The following OSBPL5 variants were observed in gnomAD, a reference collection of about 807,000 sequenced individuals.
OSBPL5 encodes the protein oxysterol binding protein like 5, also known as oxysterol-binding protein-related protein 5.
Under a neutral mutation model 111.2 loss-of-function variants are expected in OSBPL5, and 71 were observed. The observed-to-expected ratio is 0.64, with a 90% CI of 0.53 to 0.78. The LOEUF (loss-of-function observed/expected upper bound fraction) is 0.78, where lower values mean the gene tolerates loss of function less well. Among genes scored for constraint, OSBPL5 ranks in the 30% least tolerant of loss-of-function variants. The probability of loss-of-function intolerance (pLI) is 0.00; values close to 1 mark genes in which losing one functional copy is unlikely to be tolerated. For synonymous variants in OSBPL5, 549 were observed against 513.9 expected (o/e 1.07, Z -0.93); for missense variants, 1,210 against 1,189.3 (o/e 1.02, Z -0.26).
rs190471936 is a variant in OSBPL5, at chr11:3,091,124, T to C, written c.2260-428A>G. ...TCATAGGAACCCCAGATGGCTAGGGTTCCCCATGTCAAGGGGCATCTCCAG... is the reference window on the plus strand; with the variant it reads ...TCATAGGAACCCCAGATGGCTAGGGCTCCCCATGTCAAGGGGCATCTCCAG... On this transcript the variant is annotated intron_variant, in intron 19 of 21. Coordinates refer to ENST00000263650, the MANE Select transcript of OSBPL5 (RefSeq NM_020896.4). Among the ~76,000 whole-genome samples, 407 of 152,196 alleles carry C rather than the reference T, an allele frequency of 2.7e-3. 1 individual carries two copies. The highest frequency in any genetic ancestry group is 9.4e-3 in the African/African-American group (389 of 41,522).
chr11:3,101,816 G>A (rs373377581), intron 12 of OSBPL5, 117 bp from the exon 13 acceptor site: 12 of 846,806 alleles, frequency 1.4e-5, no homozygotes, highest in African/African-American at 1.7e-5. Context: ...CTTCTCCCCC[G>A]ATCCCAGGAT....
intron 1 of OSBPL5, among the ~76,000 whole-genome samples, chr11:3,156,237 A>G (rs989037025): frequency 1.3e-5 from 2 of 152,230 alleles, no homozygotes; most frequent in African/African-American, 4.8e-5. Flanking sequence ...CGCTTGCTCC[A>G]GGGATGGAAT....
chr11:3,097,463 C>T (rs1857314087), intron 14 of OSBPL5, among the ~76,000 whole-genome samples: 4 of 152,156 alleles, frequency 2.6e-5, no homozygotes, highest in Admixed American at 2.6e-4. Context: ...TATACTTCCT[C>T]TGTGTCCCAG....
intron 10 of OSBPL5, among the ~76,000 whole-genome samples, chr11:3,103,859 C>CAGCCCCCTTCCAGCCTGT (rs1564830734): frequency 4.9e-5 from 2 of 40,628 alleles, no homozygotes; most frequent in South Asian, 9.5e-4. Flanking sequence ...TTCCAGTCTG[C>CAGCCCCCTTCCAGCCTGT]GCAGCCCCCT....
At chr11:3,093,457 C>A in intron 17 of OSBPL5, 70 bp downstream of exon 17, 1 of 1,577,078 alleles carries the variant, frequency 6.3e-7, no homozygotes, top group Non-Finnish European at 8.6e-7. Context: ...GCACTGTAGC[C>A]CTGCTGACCT....
intron 12 of OSBPL5, 113 bp from the exon 13 acceptor site, chr11:3,101,812 C>A (rs1438529507): frequency 4.6e-6 from 4 of 864,456 alleles, no homozygotes; most frequent in Non-Finnish European, 7.2e-6. Context: ...ACATCTTCTC[C>A]CCCGATCCCA....
chr11:3,106,032 C>T lies in OSBPL5; in HGVS notation c.1059+1231G>A, dbSNP rs564526471. Among the ~76,000 whole-genome samples, 37 of 152,272 alleles carry T rather than the reference C, an allele frequency of 2.4e-4. No homozygotes were observed. The South Asian group carries it at 5.2e-3, about 21-fold the overall frequency. ...GTCCCGAGGCCCTTGCCTAACCCGC[C>T]GGTGGCTTCCCCAATACTCTCAGCC... On this transcript the variant is annotated intron_variant, in intron 9 of 21. Transcript: ENST00000263650. This position sits in a 1 kb window ranked among gnomAD's most constrained non-coding sequence, Gnocchi z 8.4.
chr11:3,151,829 C>T (rs1846597261), intron 1 of OSBPL5, among the ~76,000 whole-genome samples: 2 of 152,268 alleles, frequency 1.3e-5, no homozygotes, highest in Admixed American at 6.5e-5. Flanking sequence ...GGGTCACCTT[C>T]TCCTGCCTCC....
In OSBPL5 at chr11:3,141,339, ACT is replaced by A. The variant is rs77491458; in HGVS notation, c.-21-12172_-21-12171del. Among the ~76,000 whole-genome samples the A allele has an allele frequency of 1.1e-3, 172 of 152,030 alleles. 2 individuals carry two copies. In the East Asian group the frequency reaches 0.026, roughly 23 times the overall value. Reference sequence around the variant, plus strand: ...CCTCGGGTCCAGCATCCTCCCTGTGACTCTGCATAGTGGGAAGGACGTGGATT... The same window carrying A: ...CCTCGGGTCCAGCATCCTCCCTGTGACTGCATAGTGGGAAGGACGTGGATT... On this transcript the variant is annotated intron_variant, in intron 1 of 21. Coordinates refer to ENST00000263650, the MANE Select transcript of OSBPL5 (RefSeq NM_020896.4). The surrounding 1 kb of genome is among the most constrained non-coding windows in gnomAD (Gnocchi z 6.5).
At chr11:3,157,520 G>A (rs748885828) in intron 1 of OSBPL5, among the ~76,000 whole-genome samples, 4 of 152,222 alleles carry the variant, frequency 2.6e-5, no homozygotes, top group Non-Finnish European at 5.9e-5. Flanking sequence ...CCTGTGCCAA[G>A]ACAGAGAGGG....
chr11:3,093,630 C>T lies in OSBPL5; in HGVS notation c.1843G>A (p.Gly615Arg), dbSNP rs764806036. 1.6e-5 allele frequency: 26 copies of T among 1,613,036 alleles called. No homozygotes were observed. The highest frequency in any genetic ancestry group is 9.3e-5 in the African/African-American group (7 of 74,942). Residue 615 changes from glycine (G) to arginine (R), a missense_variant, in exon 17 of 22, where the codon GGA (glycine) becomes AGA (arginine). Coordinates refer to ENST00000263650, the MANE Select transcript of OSBPL5 (RefSeq NM_020896.4). ...RDVFIKEEGS[G>R]SSALFWTPSG... ...GGGGTCCAGAAAAGCGCACTGCTTCCGCTCCCTTCCTCCTTGATAAACACG... is the reference window on the plus strand; with the variant it reads ...GGGGTCCAGAAAAGCGCACTGCTTCTGCTCCCTTCCTCCTTGATAAACACG...
At chr11:3,093,926 T>G in intron 15 of OSBPL5, 91 bp from the exon 16 acceptor site, 13 of 1,458,860 alleles carry the variant, frequency 8.9e-6, no homozygotes, top group Non-Finnish European at 1.2e-5. Flanking sequence ...AGTTATTCTC[T>G]TGGGGTGCCT....
Position 3,103,358 on chromosome 11 carries a change from G to C in OSBPL5, c.1245-38C>G, listed in dbSNP as rs973495180. 7 of 1,545,750 alleles carry C rather than the reference G, an allele frequency of 4.5e-6. No individual in the cohort carries two copies. In the Admixed American group the frequency reaches 9.3e-5, roughly 20 times the overall value. ...AGGAGAACGCTGACCCCAGCTCCGGGGGCCGTGGGCCACCCTCCCTTTCCC... is the reference window on the plus strand; with the variant it reads ...AGGAGAACGCTGACCCCAGCTCCGGCGGCCGTGGGCCACCCTCCCTTTCCC... On this transcript the variant is annotated intron_variant, in intron 10 of 21. Transcript: ENST00000263650.
At chr11:3,116,854 C>CAAAAAAAA (rs371907970) in intron 7 of OSBPL5, among the ~76,000 whole-genome samples, 4,990 of 74,662 alleles carry the variant, frequency 0.067, 310 homozygotes, top group African/African-American at 0.15. Flanking sequence ...GACTCCATCA[C>CAAAAAAAA]AAAAAAAAAA....
intron 14 of OSBPL5, chr11:3,094,995 C>T (rs1363055756): frequency 6.6e-6 from 1 of 152,110 alleles, no homozygotes; most frequent in Non-Finnish European, 1.5e-5. Flanking sequence ...CATTTGCACT[C>T]TAAAAACCAC....
At chr11:3,090,530 C>A in intron 20 of OSBPL5, 28 bp downstream of exon 20, 1 of 1,606,310 alleles carries the variant, frequency 6.2e-7, no homozygotes. Flanking sequence ...CAGACAGAGG[C>A]CTTGGGGCTG....
rs796752934 is a variant in OSBPL5, at chr11:3,154,589, T to C, written c.-22+10627A>G. Among the ~76,000 whole-genome samples, 3 of 152,234 alleles carry C rather than the reference T, an allele frequency of 2.0e-5. No homozygotes were observed. Among genetic ancestry groups the C allele is most frequent in the African/African-American group, 7.2e-5 (3 of 41,538 alleles). Reference sequence around the variant, plus strand: ...GGAAGGCTCTGATCACATCAAAATCTTACTCCGGGCAAATGCTGGGCCCTC... The same window carrying C: ...GGAAGGCTCTGATCACATCAAAATCCTACTCCGGGCAAATGCTGGGCCCTC... On this transcript the variant is annotated intron_variant, in intron 1 of 21. Transcript: ENST00000263650. This position sits in a 1 kb window ranked among gnomAD's most constrained non-coding sequence, Gnocchi z 4.9.
At chr11:3,163,323 C>G (rs1314470885) in intron 1 of OSBPL5, among the ~76,000 whole-genome samples, 1 of 152,164 alleles carries the variant, frequency 6.6e-6, no homozygotes, top group Non-Finnish European at 1.5e-5. Context: ...ACCACAGAAT[C>G]AGCAGAGAGC....
chr11:3,107,949 C>T lies in OSBPL5; in HGVS notation c.692-4G>A, dbSNP rs369476233. On this transcript the variant is annotated splice_polypyrimidine_tract_variant and splice_region_variant and intron_variant, in intron 7 of 21. Coordinates refer to ENST00000263650, the MANE Select transcript of OSBPL5 (RefSeq NM_020896.4). The surrounding 1 kb of genome is among the most constrained non-coding windows in gnomAD (Gnocchi z 6.1). Reference sequence around the variant, plus strand: ...AGGGCGTCCAGCCAGCAGCGACCTGCGGGGCACACGGGATGAGCATGCCCC... The same window carrying T: ...AGGGCGTCCAGCCAGCAGCGACCTGTGGGGCACACGGGATGAGCATGCCCC... 1.4e-5 allele frequency: 23 copies of T among 1,592,438 alleles called. No homozygotes were observed. The highest frequency in any genetic ancestry group is 4.2e-5 in the African/African-American group (3 of 72,020).
Sources: allele counts gnomAD v4.1 joint callset (sites outside exome capture counted in the v4.1 genomes callset), GRCh38; gene constraint gnomAD v4.1.1; non-coding constraint Gnocchi (gnomAD v3.1); transcripts MANE v1.5; gene names NCBI Gene and HGNC (gene_info 2026-07-23, HGNC 2026-07-21).